Variants in CDH13 observed in about 807,000 individuals in gnomAD.
CDH13 encodes the protein cadherin-13.
In CDH13, 24 loss-of-function variants were observed where a neutral mutation model predicts 63.8. The observed-to-expected ratio is 0.38, with a 90% CI of 0.27 to 0.53. CDH13 has a LOEUF of 0.53. Among genes scored for constraint, CDH13 ranks in the 20% least tolerant of loss-of-function variants. CDH13 has a pLI of 0.85. For synonymous variants in CDH13, 503 were observed against 355.3 expected (o/e 1.42, Z -4.67); for missense variants, 1,049 against 903.1 (o/e 1.16, Z -2.07).
chr16:82,930,252 C>T (rs534005241), intron 2 of CDH13, among the ~76,000 whole-genome samples: 1 of 152,126 alleles, frequency 6.6e-6, no homozygotes, highest in East Asian at 1.9e-4. Context: ...GCTGGGATTA[C>T]AAGCATGAGC....
intron 1 of CDH13, among the ~76,000 whole-genome samples, chr16:82,684,016 G>A (rs185190358): frequency 3.1e-4 from 47 of 152,194 alleles, no homozygotes; most frequent in Admixed American, 1.9e-3. Flanking sequence ...GTGCCTTTTC[G>A]CCTGTCTACC....
At chr16:82,637,504 C>T (rs1908812216) in intron 1 of CDH13, 1 of 141,764 alleles carries the variant, frequency 7.1e-6, no homozygotes, top group Non-Finnish European at 1.5e-5. Flanking sequence ...GATCTCGGCT[C>T]ACTGCAAGCT....
intron 2 of CDH13, among the ~76,000 whole-genome samples, chr16:83,022,575 C>A (rs920739472): frequency 6.6e-6 from 1 of 152,206 alleles, no homozygotes; most frequent in Admixed American, 6.5e-5. Context: ...CACATCACTG[C>A]AAGTCCTTCT....
intron 7 of CDH13, among the ~76,000 whole-genome samples, chr16:83,497,574 G>C (rs1287686677): frequency 6.6e-6 from 1 of 151,982 alleles, no homozygotes; most frequent in African/African-American, 2.4e-5. Context: ...TGACGAGTTG[G>C]TGGGTGCAGC....
chr16:82,892,534 A>T (rs571993535), intron 2 of CDH13, among the ~76,000 whole-genome samples: 1 of 152,294 alleles, frequency 6.6e-6, no homozygotes, highest in East Asian at 1.9e-4. Context: ...AGAGTGAGTC[A>T]TGTCACTAGA....
intron 1 of CDH13, among the ~76,000 whole-genome samples, chr16:82,697,470 C>T (rs1208307055): frequency 1.7e-5 from 2 of 120,650 alleles, no homozygotes; most frequent in African/African-American, 3.1e-5. Flanking sequence ...CACTCTGTCA[C>T]TGGGGCTGGA....
chr16:82,758,138 C>G (rs1233867353), intron 1 of CDH13, among the ~76,000 whole-genome samples: 14 of 151,884 alleles, frequency 9.2e-5, no homozygotes, highest in Admixed American at 9.2e-4. Flanking sequence ...TTTCCTTGGA[C>G]CAATTGGGAA....
intron 6 of CDH13, among the ~76,000 whole-genome samples, chr16:83,418,084 T>C (rs1302730522): frequency 3.3e-5 from 5 of 152,166 alleles, no homozygotes. Context: ...GTTAGGAAAA[T>C]GGGCTCTTTG....
At chr16:83,650,412 A>T (rs1912258817) in intron 8 of CDH13, among the ~76,000 whole-genome samples, 1 of 152,128 alleles carries the variant, frequency 6.6e-6, no homozygotes, top group African/African-American at 2.4e-5. Flanking sequence ...TTTTCCTATG[A>T]TGTTTGAATC....
intron 1 of CDH13, among the ~76,000 whole-genome samples, chr16:82,641,602 C>A (rs979546851): frequency 2.0e-5 from 3 of 152,160 alleles, no homozygotes; most frequent in Admixed American, 6.5e-5. Flanking sequence ...TACTTTTCAA[C>A]AATGAATGAA....
chr16:83,616,506 C>G (rs115373576), intron 8 of CDH13, among the ~76,000 whole-genome samples: 1 of 152,066 alleles, frequency 6.6e-6, no homozygotes, highest in East Asian at 1.9e-4. Context: ...GTCTTACCAC[C>G]GAGCCACTCC....
intron 1 of CDH13, among the ~76,000 whole-genome samples, chr16:82,848,562 T>C (rs901964028): frequency 1.4e-5 from 2 of 142,864 alleles, no homozygotes; most frequent in African/African-American, 5.2e-5. Flanking sequence ...TTGATGTTAC[T>C]ATTGTGATTT....
intron 2 of CDH13, among the ~76,000 whole-genome samples, chr16:83,008,168 A>T (rs925764612): frequency 2.6e-5 from 4 of 152,234 alleles, no homozygotes; most frequent in Non-Finnish European, 4.4e-5. Context: ...GCAGACAATA[A>T]ATAGTATAAA....
chr16:83,442,649 C>T (rs971708056), intron 6 of CDH13, among the ~76,000 whole-genome samples: 3 of 152,204 alleles, frequency 2.0e-5, no homozygotes, highest in Non-Finnish European at 4.4e-5. Flanking sequence ...TAACAAACGA[C>T]TTTCCAAGTG....
At chr16:82,811,608 G>A (rs1461983639) in intron 1 of CDH13, among the ~76,000 whole-genome samples, 1 of 152,120 alleles carries the variant, frequency 6.6e-6, no homozygotes, top group African/African-American at 2.4e-5. Context: ...AAGAGCCTCT[G>A]AACTACAGTG....
At chr16:83,728,752 A>G (rs1056400722) in intron 10 of CDH13, 4 of 152,214 alleles carry the variant, frequency 2.6e-5, no homozygotes, top group African/African-American at 7.2e-5. Context: ...GGTTTTGACG[A>G]GAGAAATGGC....
chr16:83,392,402 A>G (rs1426007300), intron 6 of CDH13, among the ~76,000 whole-genome samples: 2 of 152,226 alleles, frequency 1.3e-5, no homozygotes, highest in Non-Finnish European at 2.9e-5. Context: ...ATTATCACTA[A>G]TAAGTGCTTC....
intron 5 of CDH13, among the ~76,000 whole-genome samples, chr16:83,301,735 T>C (rs1049741326): frequency 2.0e-5 from 3 of 152,268 alleles, no homozygotes; most frequent in Non-Finnish European, 1.5e-5. Context: ...TGCCCTCTTA[T>C]TTTTTCCTTC....
intron 10 of CDH13, among the ~76,000 whole-genome samples, chr16:83,733,384 C>G (rs966572772): frequency 6.6e-6 from 1 of 152,202 alleles, no homozygotes; most frequent in Admixed American, 6.5e-5. Context: ...TCCCGGTAAC[C>G]TGGCCTCCAT....
Sources: allele counts gnomAD v4.1 joint callset (sites outside exome capture counted in the v4.1 genomes callset), GRCh38; gene constraint gnomAD v4.1.1; transcripts MANE v1.5; gene names NCBI Gene and HGNC (gene_info 2026-07-23, HGNC 2026-07-21).